PPFIA2: variants seen among roughly 807,000 people sequenced by gnomAD.
PPFIA2 encodes liprin-alpha-2.
A neutral mutation model predicts 175.5 loss-of-function variants in PPFIA2; 46 were observed. The ratio of observed to expected loss-of-function variants is 0.26; its 90% CI spans 0.21 to 0.34. PPFIA2 has a LOEUF of 0.34. PPFIA2 is among the 10% of genes least tolerant of loss of function. PPFIA2 has a pLI of 1.00. For synonymous variants in PPFIA2, 568 were observed against 511.4 expected, an observed-to-expected ratio of 1.11 and a Z score of -1.49; for missense variants, 1,179 against 1,506.1, an observed-to-expected ratio of 0.78 and a Z score of 3.60.
intron 4 of PPFIA2, among the ~76,000 whole-genome samples, chr12:81,549,392 G>C (rs1418912630): frequency 6.6e-6 from 1 of 152,038 alleles, no homozygotes; most frequent in Non-Finnish European, 1.5e-5. Flanking sequence ...ACACATTAGA[G>C]ACACCACAAG....
intron 4 of PPFIA2, among the ~76,000 whole-genome samples, chr12:81,462,585 C>CATATATATATATATATATACATAT (rs1555402549): frequency 1.1e-4 from 14 of 124,666 alleles, no homozygotes; most frequent in East Asian, 4.5e-4. Context: ...TATATATATA[C>CATATATATATATATATATACATAT]ATATATATAT....
intron 3 of PPFIA2, among the ~76,000 whole-genome samples, chr12:81,744,270 T>C (rs780624632): frequency 1.3e-5 from 2 of 152,158 alleles, no homozygotes; most frequent in Non-Finnish European, 2.9e-5. Context: ...GGTAAATTTA[T>C]AGTATCATAA....
At chr12:81,390,691 T>C (rs893149951) in intron 8 of PPFIA2, among the ~76,000 whole-genome samples, 38 of 151,968 alleles carry the variant, frequency 2.5e-4, no homozygotes, top group Non-Finnish European at 7.4e-5. Context: ...TTATGAAACA[T>C]ATGGCTTGAA....
At chr12:81,384,687 T>C (rs556124746) in intron 8 of PPFIA2, among the ~76,000 whole-genome samples, 1 of 152,088 alleles carries the variant, frequency 6.6e-6, no homozygotes, top group African/African-American at 2.4e-5. Context: ...CCTTGTAAAT[T>C]TTTAAGTTTT....
intron 4 of PPFIA2, among the ~76,000 whole-genome samples, chr12:81,548,273 G>T (rs1396772291): frequency 6.6e-6 from 1 of 151,940 alleles, no homozygotes; most frequent in Non-Finnish European, 1.5e-5. Context: ...ATTTACACAG[G>T]GAAATACACG....
chr12:81,460,723 C>T (rs1380573558), intron 4 of PPFIA2, among the ~76,000 whole-genome samples: 1 of 152,128 alleles, frequency 6.6e-6, no homozygotes, highest in Non-Finnish European at 1.5e-5. Context: ...AAAGATACCA[C>T]TAACAGCAAA....
At chr12:81,732,439 T>C (rs1187882764) in intron 3 of PPFIA2, among the ~76,000 whole-genome samples, 1 of 150,488 alleles carries the variant, frequency 6.6e-6, no homozygotes, top group Non-Finnish European at 1.5e-5. Context: ...TTCCTCTTTA[T>C]ATGTTGGACC....
Position 81,536,523 on chromosome 12 carries a change from T to C in PPFIA2, c.304-78657A>G, listed in dbSNP as rs573433931. On this transcript the variant is annotated intron_variant, in intron 4 of 32. Coordinates refer to ENST00000549396, the MANE Select transcript of PPFIA2 (RefSeq NM_003625.5). ...CAGAAAATTAAAAAAAGAAAACTTT[T>C]CCTTAAAGTTCCAAAATTTTAAATT... 6.2e-4 allele frequency among the ~76,000 whole-genome samples: 94 copies of C among 151,032 alleles called. 3 individuals are homozygous for C. In the South Asian group the frequency reaches 0.019, roughly 30 times the overall value.
intron 4 of PPFIA2, among the ~76,000 whole-genome samples, chr12:81,522,480 T>G (rs1453177937): frequency 6.6e-6 from 1 of 152,168 alleles, no homozygotes; most frequent in African/African-American, 2.4e-5. Context: ...ATACAAAAAT[T>G]TGAATCAATC....
At chr12:81,389,273 C>T (rs535952433) in intron 8 of PPFIA2, among the ~76,000 whole-genome samples, 24 of 150,752 alleles carry the variant, frequency 1.6e-4, no homozygotes, top group Non-Finnish European at 3.4e-4. Flanking sequence ...AATGTTTGTT[C>T]CAATTCTGTG....
At chr12:81,376,919 T>C (rs2036506464) in intron 9 of PPFIA2, among the ~76,000 whole-genome samples, 1 of 152,142 alleles carries the variant, frequency 6.6e-6, no homozygotes, top group South Asian at 2.1e-4. Flanking sequence ...TCACATATAA[T>C]AATCAGATAA....
chr12:81,598,151 C>T, intron 4 of PPFIA2: 1 of 1,470,266 alleles, frequency 6.8e-7, no homozygotes. Context: ...GAAATCTGCC[C>T]CATCCTTCTT....
chr12:81,717,402 C>T (rs2078770133), intron 3 of PPFIA2, among the ~76,000 whole-genome samples: 1 of 151,670 alleles, frequency 6.6e-6, no homozygotes, highest in Admixed American at 6.6e-5. Flanking sequence ...CATCATAGAA[C>T]TGCAGGAAAT....
intron 4 of PPFIA2, among the ~76,000 whole-genome samples, chr12:81,666,112 C>A (rs1368675923): frequency 6.6e-6 from 1 of 152,090 alleles, no homozygotes; most frequent in Non-Finnish European, 1.5e-5. Flanking sequence ...CAGGAAACAA[C>A]AGGTGCTGGA....
At chr12:81,421,762 GA>G (rs931969194) in intron 7 of PPFIA2, among the ~76,000 whole-genome samples, 1 of 151,588 alleles carries the variant, frequency 6.6e-6, no homozygotes, top group East Asian at 1.9e-4. Context: ...GGATTTAAAG[GA>G]AAAAAATAAT....
intron 4 of PPFIA2, among the ~76,000 whole-genome samples, chr12:81,589,939 A>C (rs1029589028): frequency 7.2e-5 from 11 of 152,078 alleles, no homozygotes; most frequent in African/African-American, 2.2e-4. Flanking sequence ...ACCCAAATCC[A>C]AGGTCTTAGG....
chr12:81,298,841 G>T (rs2047116884), intron 23 of PPFIA2, among the ~76,000 whole-genome samples: 1 of 152,170 alleles, frequency 6.6e-6, no homozygotes, highest in Admixed American at 6.6e-5. Flanking sequence ...AAACCTAGCT[G>T]GTCCATAGGC....
intron 4 of PPFIA2, among the ~76,000 whole-genome samples, chr12:81,492,900 G>A (rs569409111): frequency 1.1e-4 from 16 of 152,150 alleles, no homozygotes; most frequent in Admixed American, 1.3e-4. Flanking sequence ...AAAGATAAAG[G>A]TGACTTGAAC....
chr12:81,720,912 T>A (rs1341976043), intron 3 of PPFIA2, among the ~76,000 whole-genome samples: 2 of 151,238 alleles, frequency 1.3e-5, no homozygotes, highest in South Asian at 4.2e-4. Flanking sequence ...ATAAAAATGA[T>A]TAAATATTCC....
Sources: gnomAD v4.1 joint callset for allele counts (sites outside exome capture counted in the v4.1 genomes callset) on GRCh38, gnomAD v4.1.1 for gene constraint, MANE v1.5 for transcripts, NCBI Gene and HGNC (gene_info 2026-07-23, HGNC 2026-07-21) for gene names.